The following TMEM50B variants were observed in gnomAD, a reference collection of about 807,000 sequenced individuals.
The protein encoded by TMEM50B is HCV p7-trans-regulated protein 3.
TMEM50B carries 14 observed loss-of-function variants against 23.4 expected under a neutral mutation model. The observed-to-expected ratio is 0.60, with a 90% CI of 0.39 to 0.93. The LOEUF (loss-of-function observed/expected upper bound fraction) is 0.93. Among genes scored for constraint, TMEM50B ranks in the 40% least tolerant of loss-of-function variants. The pLI, the probability that TMEM50B is intolerant of heterozygous loss-of-function variation, is 0.00. For synonymous variants in TMEM50B, 64 were observed against 62.3 expected, an observed-to-expected ratio of 1.03 and a Z score of -0.13; for missense variants, 159 against 193.0, an observed-to-expected ratio of 0.82 and a Z score of 1.04.
chr21:33,461,602 G>C (rs1025455887), intron 4 of TMEM50B, among the ~76,000 whole-genome samples: 1 of 151,990 alleles, frequency 6.6e-6, no homozygotes, highest in African/African-American at 2.4e-5. Context: ...TCAGGAGTTC[G>C]AGACCAGCCT....
intron 2 of TMEM50B, 86 bp from the exon 3 acceptor site, chr21:33,467,208 C>A: frequency 8.2e-7 from 1 of 1,220,504 alleles, no homozygotes; most frequent in Non-Finnish European, 1.2e-6. Flanking sequence ...TCCTACAGAT[C>A]ATATAAATGG....
chr21:33,433,497 G>A lies in TMEM50B; in HGVS notation c.*2121-695C>T, dbSNP rs149284369. Among the ~76,000 whole-genome samples, 36 of 150,728 alleles carry A rather than the reference G, an allele frequency of 2.4e-4. No individual in the cohort carries two copies. In the East Asian group the frequency reaches 6.6e-3, roughly 27 times the overall value. ...ATGGACCTTGAGGACATTATGCTGA[G>A]TAGAGTAGGGCAGTCACAAAAGGAT... is the stretch of plus-strand genomic sequence containing the variant. On this transcript the variant is annotated intron_variant and NMD_transcript_variant, in intron 8 of 8. Transcript: ENST00000420455.
downstream of TMEM50B, among the ~76,000 whole-genome samples, chr21:33,448,512 G>A (rs2084086698): frequency 6.6e-6 from 1 of 151,676 alleles, no homozygotes; most frequent in Admixed American, 6.6e-5. Context: ...ATGGAGTCTT[G>A]CTCTGTTGCC....
At chr21:33,477,951 C>A (rs555590692) in intron 1 of TMEM50B, among the ~76,000 whole-genome samples, 1 of 150,828 alleles carries the variant, frequency 6.6e-6, no homozygotes, top group African/African-American at 2.4e-5. Context: ...CTGGCTAACA[C>A]GGTGAAAACC....
downstream of TMEM50B, among the ~76,000 whole-genome samples, chr21:33,447,681 TAC>T (rs764155101): frequency 0.074 from 9,809 of 132,018 alleles, 398 homozygotes; most frequent in Non-Finnish European, 0.11. Flanking sequence ...TGTATAGAAA[TAC>T]ACACACACAC....
rs148365584 is a variant in TMEM50B at position 33,467,939 on chromosome 21, T to C, written c.100-817A>G. 4.6e-5 allele frequency among the ~76,000 whole-genome samples: 7 copies of C among 152,234 alleles called. No individual in the cohort carries two copies. The East Asian group carries it at 9.6e-4, about 21-fold the overall frequency. On this transcript the variant is annotated intron_variant, in intron 2 of 6. Transcript: ENST00000542230. ...GGTAGTATGAACCTGTAGTCCCAGC[T>C]ACCTGGGAGACTGAGGCAGGAAGAT...
intron 1 of TMEM50B, among the ~76,000 whole-genome samples, chr21:33,475,089 G>A (rs1217701468): frequency 6.6e-6 from 1 of 151,390 alleles, no homozygotes; most frequent in Non-Finnish European, 1.5e-5. Context: ...ACCACGACCG[G>A]CTAATTTTTA....
intron 5 of TMEM50B, among the ~76,000 whole-genome samples, chr21:33,459,482 A>G (rs1474906207): frequency 6.6e-6 from 1 of 152,122 alleles, no homozygotes; most frequent in African/African-American, 2.4e-5. Context: ...CCTGGCCAAC[A>G]TGGTGAAACC....
At chr21:33,465,721 T>C (rs1308944183) in intron 3 of TMEM50B, among the ~76,000 whole-genome samples, 3 of 152,228 alleles carry the variant, frequency 2.0e-5, no homozygotes, top group African/African-American at 7.2e-5. Flanking sequence ...GACTCAGTGC[T>C]ATCCCACTTC....
downstream of TMEM50B, among the ~76,000 whole-genome samples, chr21:33,444,342 G>A (rs1203978024): frequency 6.6e-6 from 1 of 152,166 alleles, no homozygotes; most frequent in Non-Finnish European, 1.5e-5. Context: ...GAGCTCAGGA[G>A]CTCCAGACCA....
At chr21:33,462,929 T>C (rs1047535378) in intron 4 of TMEM50B, among the ~76,000 whole-genome samples, 4 of 152,250 alleles carry the variant, frequency 2.6e-5, no homozygotes, top group African/African-American at 9.6e-5. Context: ...TTTGTCATTA[T>C]ACCCTCTCGC....
chr21:33,468,677 G>C lies in TMEM50B; in HGVS notation c.99+110C>G, dbSNP rs2084286077. 3.9e-6 allele frequency: 3 copies of C among 778,962 alleles called. No individual in the cohort carries two copies. In the South Asian group the frequency reaches 5.1e-5, roughly 13 times the overall value. 48.3% of individuals were successfully genotyped at this position (778,962 alleles called of 1,614,324 possible). On this transcript the variant is annotated intron_variant, in intron 2 of 6. Transcript: ENST00000542230. ...CTCTGATAATCATCTATACAAAACAGCAGTGAAATAAATAGTTCTGGAAAG... is the reference window on the plus strand; with the variant it reads ...CTCTGATAATCATCTATACAAAACACCAGTGAAATAAATAGTTCTGGAAAG...
At chr21:33,448,443 C>T (rs1002217841), downstream of TMEM50B, among the ~76,000 whole-genome samples, 8 of 152,148 alleles carry the variant, frequency 5.3e-5, 1 homozygote, top group Admixed American at 3.3e-4. Context: ...GACCAGTTCA[C>T]CCAGAACAGC....
intron 3 of TMEM50B, among the ~76,000 whole-genome samples, chr21:33,466,133 C>T (rs2084262395): frequency 6.6e-6 from 1 of 151,942 alleles, no homozygotes; most frequent in Admixed American, 6.6e-5. Flanking sequence ...TAGTGGCAGG[C>T]ACCTGTAATC....
chr21:33,455,527 T>TA (rs1323893728), intron 6 of TMEM50B, among the ~76,000 whole-genome samples, 200 bp downstream of exon 6: 1 of 152,150 alleles, frequency 6.6e-6, no homozygotes, highest in African/African-American at 2.4e-5. Flanking sequence ...AGGATCCAGC[T>TA]AAAGTCTTGA....
intron 8 of TMEM50B, among the ~76,000 whole-genome samples, chr21:33,433,866 G>A (rs775361275): frequency 5.9e-5 from 9 of 151,948 alleles, no homozygotes; most frequent in East Asian, 1.9e-4. Context: ...ACCCCTCTCC[G>A]AGGCAGCAGG....
intron 5 of TMEM50B, among the ~76,000 whole-genome samples, chr21:33,457,651 CA>C (rs11334898): frequency 0.94 from 115,688 of 123,624 alleles, 54,034 homozygotes; most frequent in East Asian, 0.98. Flanking sequence ...AACTCCAACT[CA>C]AAAAAAAAAA....
In TMEM50B at chr21:33,433,246, G is replaced by A. The variant is rs552455485; in HGVS notation, c.*2121-444C>T. Reference sequence around the variant, plus strand: ...ACTGCCCCTGGCAACCCCTAAGAGTGCAGCTGTGGGCAAAGCCGTGGACAC... The same window carrying A: ...ACTGCCCCTGGCAACCCCTAAGAGTACAGCTGTGGGCAAAGCCGTGGACAC... On this transcript the variant is annotated intron_variant and NMD_transcript_variant, in intron 8 of 8. Coordinates refer to the TMEM50B transcript ENST00000420455. 4.6e-5 allele frequency among the ~76,000 whole-genome samples: 7 copies of A among 152,246 alleles called. No individual in the cohort carries two copies. In the South Asian group the frequency reaches 1.0e-3, roughly 23 times the overall value.
At chr21:33,433,682 T>C (rs1242340861) in intron 8 of TMEM50B, among the ~76,000 whole-genome samples, 1 of 152,156 alleles carries the variant, frequency 6.6e-6, no homozygotes, top group African/African-American at 2.4e-5. Flanking sequence ...TGGAGATGGA[T>C]GGTGGTCATG....
Sources: allele counts gnomAD v4.1 joint callset (sites outside exome capture counted in the v4.1 genomes callset), GRCh38; gene constraint gnomAD v4.1.1; transcripts MANE v1.5; gene names NCBI Gene and HGNC (gene_info 2026-07-23, HGNC 2026-07-21).